The following CNTN4 variants were observed in gnomAD, a reference collection of about 807,000 sequenced individuals.
CNTN4 encodes the protein contactin-4.
A neutral mutation model predicts 122.5 loss-of-function variants in CNTN4; 77 were observed. The ratio of observed to expected loss-of-function variants is 0.63; its 90% confidence interval spans 0.52 to 0.76. CNTN4 has a LOEUF of 0.76. Ranked by LOEUF, CNTN4 falls within the 30% of genes least tolerant of loss-of-function variation. The pLI is 0.00. For missense variants in CNTN4, 1,256 were observed against 1,259.1 expected, an observed-to-expected ratio of 1.00 and a Z score of 0.04; for synonymous variants, 512 against 447.0, an observed-to-expected ratio of 1.15 and a Z score of -1.83.
At chr3:2,597,499 C>G (rs181701895) in intron 4 of CNTN4, among the ~76,000 whole-genome samples, 1 of 152,132 alleles carries the variant, frequency 6.6e-6, no homozygotes, top group Non-Finnish European at 1.5e-5. Context: ...GCTCCTGAGT[C>G]GTAATGTTGA....
chr3:2,629,572 G>A (rs1243433885), intron 4 of CNTN4: 2 of 452,294 alleles, frequency 4.4e-6, no homozygotes, highest in Non-Finnish European at 4.4e-6. Flanking sequence ...TGCCAGCCTT[G>A]GAGGCTGGTG....
intron 6 of CNTN4, among the ~76,000 whole-genome samples, chr3:2,809,518 G>T (rs1303064663): frequency 6.6e-6 from 1 of 152,104 alleles, no homozygotes; most frequent in Admixed American, 6.5e-5. Flanking sequence ...CACAGTGAAG[G>T]GTCCATATTT....
At chr3:2,494,609 G>C (rs545608998) in intron 3 of CNTN4, among the ~76,000 whole-genome samples, 25 of 152,312 alleles carry the variant, frequency 1.6e-4, no homozygotes, top group African/African-American at 5.8e-4. Context: ...TCCTGGATCA[G>C]GGAAAGTCCT....
chr3:2,318,034 G>A (rs934649118), intron 2 of CNTN4, among the ~76,000 whole-genome samples: 1 of 152,052 alleles, frequency 6.6e-6, no homozygotes, highest in African/African-American at 2.4e-5. Flanking sequence ...TAGATGGCAT[G>A]ATTTGATATG....
intron 3 of CNTN4, among the ~76,000 whole-genome samples, chr3:2,371,681 C>G (rs1056330354): frequency 5.3e-5 from 8 of 152,084 alleles, no homozygotes; most frequent in Admixed American, 2.6e-4. Flanking sequence ...TCCCCAGTGC[C>G]TTTCACTTAT....
chr3:2,732,188 G>T (rs764822741), intron 4 of CNTN4, among the ~76,000 whole-genome samples: 41 of 152,274 alleles, frequency 2.7e-4, no homozygotes, highest in Middle Eastern at 3.4e-3. Context: ...CCGATGTTCT[G>T]TTCTTAGGAA....
chr3:2,189,588 A>G (rs1385450632), intron 2 of CNTN4, among the ~76,000 whole-genome samples: 2 of 152,162 alleles, frequency 1.3e-5, no homozygotes, highest in African/African-American at 2.4e-5. Context: ...AGCCAAGGCC[A>G]TATTCTTCTC....
chr3:2,259,496 G>T (rs1303237857), intron 2 of CNTN4, among the ~76,000 whole-genome samples: 1 of 152,158 alleles, frequency 6.6e-6, no homozygotes, highest in Non-Finnish European at 1.5e-5. Context: ...CCGAGACTGG[G>T]TAATTTATAA....
intron 2 of CNTN4, among the ~76,000 whole-genome samples, chr3:2,221,784 A>G (rs2039070859): frequency 6.6e-6 from 1 of 152,190 alleles, no homozygotes; most frequent in Non-Finnish European, 1.5e-5. Context: ...GAGCATGCAT[A>G]TGAAACAATG....
chr3:2,308,899 A>G (rs1337933913), intron 2 of CNTN4, among the ~76,000 whole-genome samples: 1 of 152,050 alleles, frequency 6.6e-6, no homozygotes, highest in African/African-American at 2.4e-5. Context: ...TCTAAGTTGA[A>G]AAATGTTTTC....
chr3:3,015,066 A>G (rs1366778212), intron 14 of CNTN4, among the ~76,000 whole-genome samples: 1 of 152,112 alleles, frequency 6.6e-6, no homozygotes, highest in East Asian at 1.9e-4. Flanking sequence ...ACAGTAACAA[A>G]GTCTTAATTC....
chr3:2,368,050 T>A (rs1287562116), intron 3 of CNTN4, among the ~76,000 whole-genome samples: 2 of 110,246 alleles, frequency 1.8e-5, no homozygotes, highest in African/African-American at 7.4e-5. Flanking sequence ...TTTTTTTTTT[T>A]GAGGTGGAGT....
intron 16 of CNTN4, among the ~76,000 whole-genome samples, chr3:3,032,324 C>T (rs566338338): frequency 7.2e-5 from 11 of 152,262 alleles, no homozygotes; most frequent in African/African-American, 2.6e-4. Flanking sequence ...GCAGTTAAAA[C>T]ACCAATAAAT....
chr3:2,121,412 C>G (rs143518128), intron 2 of CNTN4, among the ~76,000 whole-genome samples: 2,049 of 151,228 alleles, frequency 0.014, 36 homozygotes, highest in African/African-American at 0.047. Context: ...GCAGGAGAAT[C>G]GCTTGAACCT....
At chr3:2,582,274 T>A (rs1431801807) in intron 4 of CNTN4, among the ~76,000 whole-genome samples, 1 of 152,220 alleles carries the variant, frequency 6.6e-6, no homozygotes, top group Non-Finnish European at 1.5e-5. Flanking sequence ...TGATACATGA[T>A]AAACAGAATT....
At chr3:2,530,288 T>G (rs1428926985) in intron 3 of CNTN4, among the ~76,000 whole-genome samples, 1 of 151,696 alleles carries the variant, frequency 6.6e-6, no homozygotes, top group Non-Finnish European at 1.5e-5. Flanking sequence ...TATACTCTAT[T>G]TTCTTCTTCT....
intron 12 of CNTN4, among the ~76,000 whole-genome samples, chr3:2,913,229 A>G: frequency 6.6e-6 from 1 of 152,114 alleles, no homozygotes; most frequent in East Asian, 1.9e-4. Context: ...TTGAAGACAG[A>G]AAGAGGAGAA....
rs1326743409 is a variant in CNTN4, at chr3:2,311,136, G to C, written c.-144-28042G>C. Among the ~76,000 whole-genome samples, 6 of 151,978 alleles carry C rather than the reference G, an allele frequency of 3.9e-5. No homozygotes were observed. The East Asian group carries it at 1.2e-3, about 29-fold the overall frequency. On this transcript the variant is annotated intron_variant, in intron 2 of 24. Coordinates refer to ENST00000418658, the MANE Select transcript of CNTN4 (RefSeq NM_175607.3). The stretch of plus-strand genomic sequence containing the variant: ...ATAACATTAATGTCTTATTGGATCT[G>C]ACAAAATTCAATGAATTTCTAATTA...
At chr3:2,279,944 C>T (rs2041655424) in intron 2 of CNTN4, among the ~76,000 whole-genome samples, 1 of 148,536 alleles carries the variant, frequency 6.7e-6, no homozygotes, top group Non-Finnish European at 1.5e-5. Context: ...ATATCTTGCT[C>T]TAGATATATA....
Sources: allele counts gnomAD v4.1 joint callset (sites outside exome capture counted in the v4.1 genomes callset), GRCh38; gene constraint gnomAD v4.1.1; transcripts MANE v1.5; gene names NCBI Gene and HGNC (gene_info 2026-07-23, HGNC 2026-07-21).